Variants in ZNF385C observed in about 807,000 individuals in gnomAD.
ZNF385C encodes the protein zinc finger protein 385C.
Under a neutral mutation model 35.4 loss-of-function variants are expected in ZNF385C, and 28 were observed. The ratio of observed to expected loss-of-function variants is 0.79; its 90% CI spans 0.59 to 1.08. The LOEUF is 1.08. Ranked by LOEUF, ZNF385C falls within the 50% of genes least tolerant of loss-of-function variation. The pLI is 0.00. For missense variants in ZNF385C, 605 were observed against 595.6 expected (o/e 1.02, Z -0.16); for synonymous variants, 248 against 248.2 (o/e 1.00, Z 0.01).
At chr17:42,064,031 G>A (rs1229616507) in intron 1 of ZNF385C, among the ~76,000 whole-genome samples, 6 of 150,140 alleles carry the variant, frequency 4.0e-5, no homozygotes, top group East Asian at 2.0e-4. Flanking sequence ...TGAAGACAGC[G>A]CCCCTGCCCC....
At chr17:42,057,137 T>TAAACA (rs1196716216) in intron 2 of ZNF385C, among the ~76,000 whole-genome samples, 12 of 151,754 alleles carry the variant, frequency 7.9e-5, no homozygotes, top group East Asian at 5.8e-4. Context: ...GTTGTCTCAA[T>TAAACA]AAACAAAACA....
chr17:42,030,984 T>C (rs368943101), intron 5 of ZNF385C, among the ~76,000 whole-genome samples: 4 of 148,342 alleles, frequency 2.7e-5, no homozygotes, highest in African/African-American at 5.0e-5. Flanking sequence ...TTCAGACTTC[T>C]GGCCTCCAGA....
chr17:42,063,659 C>A (rs2053500224), intron 1 of ZNF385C, among the ~76,000 whole-genome samples: 1 of 152,060 alleles, frequency 6.6e-6, no homozygotes, highest in Non-Finnish European at 1.5e-5. Context: ...CAGAACATAT[C>A]TCAGAGAGGC....
At chr17:42,027,313 C>CGGAA (rs1555654320) in intron 8 of ZNF385C, among the ~76,000 whole-genome samples, 180 bp from the exon 9 acceptor site, 3 of 152,026 alleles carry the variant, frequency 2.0e-5, no homozygotes, top group Non-Finnish European at 4.4e-5. Context: ...CACCACCTGT[C>CGGAA]TTCCTGTCCA....
At position 42,050,245 on chromosome 17, in the gene ZNF385C, G is replaced by T. The variant is rs975311016; in HGVS notation, c.251-12360C>A. ...TGTGGCCCCAGAATGTGGGTCCCGA[G>T]CCTCCTCCCCGGGCTCCTGGGGGCC... On this transcript the variant is annotated intron_variant, in intron 2 of 8. Transcript: ENST00000692273. This position sits in a 1 kb window ranked among gnomAD's most constrained non-coding sequence, Gnocchi z 5.6. 2.0e-5 allele frequency among the ~76,000 whole-genome samples: 3 copies of T among 152,194 alleles called. No homozygotes were observed. The highest frequency in any genetic ancestry group is 4.4e-5 in the Non-Finnish European group (3 of 68,010).
intron 2 of ZNF385C, 101 bp downstream of exon 2, chr17:42,062,706 C>A: frequency 2.3e-6 from 1 of 433,644 alleles, no homozygotes; most frequent in Admixed American, 4.1e-5. Context: ...ACGCAAAGAC[C>A]CCCATGGAGG....
At chr17:42,084,736 A>C (rs1405471667) in intron 1 of ZNF385C, among the ~76,000 whole-genome samples, 2 of 151,936 alleles carry the variant, frequency 1.3e-5, no homozygotes, top group African/African-American at 4.8e-5. Flanking sequence ...TCAACCTCCC[A>C]AGTAGCTTTG....
At chr17:42,027,218 T>C in intron 8 of ZNF385C, 85 bp from the exon 9 acceptor site, 1 of 1,274,512 alleles carries the variant, frequency 7.8e-7, no homozygotes, top group Non-Finnish European at 1.1e-6. Flanking sequence ...AGCTTTTTGC[T>C]GCAGGGAAAG....
At chr17:42,032,444 G>A (rs1253329300) in intron 4 of ZNF385C, among the ~76,000 whole-genome samples, 2 of 152,152 alleles carry the variant, frequency 1.3e-5, no homozygotes, top group Admixed American at 1.3e-4. Flanking sequence ...CTGACCTCAT[G>A]GGGTTGTCAG....
intron 1 of ZNF385C, among the ~76,000 whole-genome samples, chr17:42,074,659 G>A (rs1469303671): frequency 6.6e-6 from 1 of 152,232 alleles, no homozygotes; most frequent in Non-Finnish European, 1.5e-5. Flanking sequence ...AAAGTGCTGG[G>A]ATTACAGGCG....
At chr17:42,063,209 A>G (rs1555658172) in intron 1 of ZNF385C, among the ~76,000 whole-genome samples, 151 bp from the exon 2 acceptor site, 1 of 152,114 alleles carries the variant, frequency 6.6e-6, no homozygotes, top group Non-Finnish European at 1.5e-5. Flanking sequence ...AGGGCGCATA[A>G]TGGGGTCTAT....
chr17:42,057,889 G>A (rs770523033), intron 2 of ZNF385C, among the ~76,000 whole-genome samples: 38 of 151,982 alleles, frequency 2.5e-4, no homozygotes, highest in Non-Finnish European at 4.1e-4. Context: ...GTTGCAATGA[G>A]TTGGGATCAC....
At position 42,059,161 on chromosome 17, in the gene ZNF385C, G is replaced by A. The variant is rs782433588; in HGVS notation, c.250+3646C>T. Among the ~76,000 whole-genome samples the A allele has an allele frequency of 3.9e-5, 6 of 152,116 alleles. 1 individual carries two copies. The highest frequency in any genetic ancestry group is 4.4e-5 in the Non-Finnish European group (3 of 67,990). On this transcript the variant is annotated intron_variant, in intron 2 of 8. Coordinates refer to ENST00000692273, the MANE Select transcript of ZNF385C (RefSeq NM_001392013.1). Reference sequence around the variant, plus strand: ...AGGGCTCCTGGAAATCTAAGGACCCGTCCCCACTGCCTTAGGCACAGCTAT... The same window carrying A: ...AGGGCTCCTGGAAATCTAAGGACCCATCCCCACTGCCTTAGGCACAGCTAT...
chr17:42,040,480 AG>A, intron 2 of ZNF385C: 1 of 1,232,254 alleles, frequency 8.1e-7, no homozygotes, highest in South Asian at 4.1e-5. Context: ...TTCTGCCTGC[AG>A]GACAAGGGAG....
At chr17:42,058,527 T>C (rs1383219514) in intron 2 of ZNF385C, among the ~76,000 whole-genome samples, 1 of 152,222 alleles carries the variant, frequency 6.6e-6, no homozygotes, top group African/African-American at 2.4e-5. Flanking sequence ...AAGGGCTCTC[T>C]GCTTTGTGGA....
chr17:42,048,183 A>G (rs2053208374), intron 2 of ZNF385C, among the ~76,000 whole-genome samples: 2 of 150,714 alleles, frequency 1.3e-5, no homozygotes, highest in African/African-American at 4.9e-5. Flanking sequence ...GCACCACACC[A>G]CTCCATCCAG....
At chr17:42,033,479 G>T (rs536088772) in intron 4 of ZNF385C, among the ~76,000 whole-genome samples, 1 of 152,172 alleles carries the variant, frequency 6.6e-6, no homozygotes, top group South Asian at 2.1e-4. Context: ...GGCCAGGCGC[G>T]GTGGCTCACA....
At chr17:42,071,665 C>T (rs1429232956) in intron 1 of ZNF385C, among the ~76,000 whole-genome samples, 1 of 152,224 alleles carries the variant, frequency 6.6e-6, no homozygotes, top group African/African-American at 2.4e-5. Context: ...CCCAGGAAAT[C>T]TGACCTATTG....
chr17:42,059,725 G>A (rs58415783), intron 2 of ZNF385C, among the ~76,000 whole-genome samples: 4,600 of 152,252 alleles, frequency 0.03, 235 homozygotes, highest in African/African-American at 0.1. Context: ...GTGTTCAAGC[G>A]ATTCTTGTGA....
Sources: allele counts gnomAD v4.1 joint callset (sites outside exome capture counted in the v4.1 genomes callset), GRCh38; gene constraint gnomAD v4.1.1; non-coding constraint Gnocchi (gnomAD v3.1); transcripts MANE v1.5; gene names NCBI Gene and HGNC (gene_info 2026-07-23, HGNC 2026-07-21).